IRAK2: variants seen among roughly 807,000 people sequenced by gnomAD.
The protein encoded by IRAK2 is interleukin 1 receptor associated kinase 2.
Under a neutral mutation model 72.0 loss-of-function variants are expected in IRAK2, and 57 were observed. That is an observed-to-expected ratio of 0.79 (90% CI 0.64 to 0.99). The LOEUF (loss-of-function observed/expected upper bound fraction) is 0.99, where lower values mean the gene tolerates loss of function less well. Among genes scored for constraint, IRAK2 ranks in the 50% least tolerant of loss-of-function variants. The pLI, the probability that IRAK2 is intolerant of heterozygous loss-of-function variation, is 0.00. For missense variants in IRAK2, 790 were observed against 794.4 expected, an observed-to-expected ratio of 0.99 and a Z score of 0.07; for synonymous variants, 293 against 312.7, an observed-to-expected ratio of 0.94 and a Z score of 0.67.
chr3:10,177,746 C>T, intron 1 of IRAK2, 92 bp from the exon 2 acceptor site: 2 of 1,279,104 alleles, frequency 1.6e-6, no homozygotes, highest in Admixed American at 1.7e-5. Flanking sequence ...GGGAGGATGT[C>T]CTGGAAAAGC....
chr3:10,201,062 G>A (rs1032866863), intron 3 of IRAK2, among the ~76,000 whole-genome samples: 1 of 152,210 alleles, frequency 6.6e-6, no homozygotes, highest in Non-Finnish European at 1.5e-5. Context: ...GTAACAAAAT[G>A]TATATAACAT....
At chr3:10,184,459 G>A (rs1036227123) in intron 2 of IRAK2, among the ~76,000 whole-genome samples, 5 of 152,026 alleles carry the variant, frequency 3.3e-5, no homozygotes, top group African/African-American at 1.2e-4. Context: ...CTTCCTTTAG[G>A]GCAAATCTGG....
At chr3:10,200,884 G>C (rs1044865377) in intron 3 of IRAK2, among the ~76,000 whole-genome samples, 5 of 152,206 alleles carry the variant, frequency 3.3e-5, no homozygotes, top group African/African-American at 9.7e-5. Context: ...CTGGGTGACA[G>C]AGCGAGACTC....
At chr3:10,228,426 T>A (rs1198867535) in intron 10 of IRAK2, among the ~76,000 whole-genome samples, 1 of 151,856 alleles carries the variant, frequency 6.6e-6, no homozygotes, top group Non-Finnish European at 1.5e-5. Context: ...AGCTCAGATG[T>A]GGTTTGGGGC....
At chr3:10,170,427 A>G (rs1696776106) in intron 1 of IRAK2, among the ~76,000 whole-genome samples, 1 of 152,160 alleles carries the variant, frequency 6.6e-6, no homozygotes, top group Admixed American at 6.6e-5. Flanking sequence ...ATGTTTTCCA[A>G]GGGTATTATT....
intron 10 of IRAK2, among the ~76,000 whole-genome samples, chr3:10,233,909 C>T (rs1271083600): frequency 1.3e-5 from 2 of 152,000 alleles, no homozygotes; most frequent in South Asian, 2.1e-4. Flanking sequence ...AGTGCAGTGG[C>T]GTGATCTCAG....
At chr3:10,172,109 G>T (rs1356535646) in intron 1 of IRAK2, among the ~76,000 whole-genome samples, 1 of 152,082 alleles carries the variant, frequency 6.6e-6, no homozygotes, top group Non-Finnish European at 1.5e-5. Context: ...GGTGGCTCAT[G>T]CCTGTAATCC....
chr3:10,240,279 A>C (rs1285400860), intron 12 of IRAK2, among the ~76,000 whole-genome samples: 1 of 151,132 alleles, frequency 6.6e-6, no homozygotes, highest in Non-Finnish European at 1.5e-5. Flanking sequence ...ATATGGTGAA[A>C]CCCCATCTCT....
rs933155552 is a variant in IRAK2, at chr3:10,184,831, G to A, written c.277+6811G>A. 7.3e-4 allele frequency among the ~76,000 whole-genome samples: 106 copies of A among 144,984 alleles called. 2 individuals carry two copies. Among genetic ancestry groups the A allele is most frequent in the African/African-American group, 2.4e-3 (94 of 38,714 alleles). On this transcript the variant is annotated intron_variant, in intron 2 of 12. Coordinates refer to ENST00000256458, the MANE Select transcript of IRAK2 (RefSeq NM_001570.4). ...TGCAAGCTCCGCCTCCCAGGTTCAC[G>A]CCATTCTCTTGCCTCAGCCTCCCGA...
chr3:10,185,558 C>CA (rs770606601), intron 2 of IRAK2, among the ~76,000 whole-genome samples: 29,148 of 69,884 alleles, frequency 0.42, 5,741 homozygotes, highest in Middle Eastern at 0.51. Flanking sequence ...AACTCCGTCT[C>CA]AAAAAAAAAA....
At position 10,174,111 on chromosome 3, in the gene IRAK2, C is replaced by T. The variant is rs894895098; in HGVS notation, c.95-3727C>T. ...GAGTGTGTGTGGATGACCAATGCTT[C>T]GTGGGGGGAGATGGTCCTTCCTTTT... On this transcript the variant is annotated intron_variant, in intron 1 of 12. Transcript: ENST00000256458. 6.6e-5 allele frequency among the ~76,000 whole-genome samples: 10 copies of T among 152,128 alleles called. No individual in the cohort carries two copies. The East Asian group carries it at 1.5e-3, about 23-fold the overall frequency.
intron 3 of IRAK2, among the ~76,000 whole-genome samples, chr3:10,208,409 C>T (rs1697463708): frequency 6.6e-6 from 1 of 151,152 alleles, no homozygotes; most frequent in African/African-American, 2.5e-5. Flanking sequence ...ACAAGTGATC[C>T]TCATCCTCCC....
intron 2 of IRAK2, among the ~76,000 whole-genome samples, chr3:10,182,782 T>A (rs1240569116): frequency 3.3e-5 from 5 of 152,016 alleles, no homozygotes; most frequent in Non-Finnish European, 7.4e-5. Flanking sequence ...TTTGTTTTTT[T>A]TTTTTTGAGA....
intron 6 of IRAK2, 79 bp downstream of exon 6, chr3:10,213,627 C>T: frequency 9.3e-7 from 1 of 1,077,088 alleles, no homozygotes; most frequent in East Asian, 2.4e-5. Context: ...ATGTTTTAAG[C>T]ACTCTATTAT....
chr3:10,226,347 T>C (rs1188941936), intron 9 of IRAK2, 24 bp from the exon 10 acceptor site: 4 of 1,606,770 alleles, frequency 2.5e-6, no homozygotes, highest in African/African-American at 1.3e-5. Context: ...TGAACCATGC[T>C]AACTCACGTT....
At chr3:10,214,770 C>T (rs1312281334) in intron 6 of IRAK2, among the ~76,000 whole-genome samples, 1 of 151,848 alleles carries the variant, frequency 6.6e-6, no homozygotes, top group Non-Finnish European at 1.5e-5. Flanking sequence ...CATAGCGAGA[C>T]CCTGTCTCAA....
At chr3:10,170,544 C>A (rs1475036988) in intron 1 of IRAK2, among the ~76,000 whole-genome samples, 4 of 152,206 alleles carry the variant, frequency 2.6e-5, no homozygotes, top group African/African-American at 7.2e-5. Flanking sequence ...TCATTTCCCT[C>A]ATTCCGCTTC....
intron 3 of IRAK2, among the ~76,000 whole-genome samples, chr3:10,207,992 C>CAAA (rs35298616): frequency 8.3e-4 from 79 of 94,966 alleles, no homozygotes; most frequent in African/African-American, 3.0e-3. Flanking sequence ...ACTCTGTTTC[C>CAAA]AAAAAAAAAA....
At chr3:10,222,342 A>G (rs1697710544) in intron 8 of IRAK2, among the ~76,000 whole-genome samples, 1 of 152,176 alleles carries the variant, frequency 6.6e-6, no homozygotes, top group African/African-American at 2.4e-5. Flanking sequence ...AGGCGTGGCA[A>G]GCTGAGGCTG....
Sources: gnomAD v4.1 joint callset for allele counts (sites outside exome capture counted in the v4.1 genomes callset) on GRCh38, gnomAD v4.1.1 for gene constraint, MANE v1.5 for transcripts, NCBI Gene and HGNC (gene_info 2026-07-23, HGNC 2026-07-21) for gene names.